SGCD: variants seen among roughly 807,000 people sequenced by gnomAD.
SGCD encodes the protein sarcoglycan delta.
SGCD carries 18 observed loss-of-function variants against 36.6 expected under a neutral mutation model. The observed-to-expected ratio is 0.49, with a 90% CI of 0.34 to 0.73. The LOEUF is 0.73. Ranked by LOEUF, SGCD falls within the 30% of genes least tolerant of loss-of-function variation. The pLI is 0.01. For missense variants in SGCD, 387 were observed against 346.7 expected (o/e 1.12, Z -0.92); for synonymous variants, 133 against 130.6 (o/e 1.02, Z -0.12).
upstream of SGCD, among the ~76,000 whole-genome samples, chr5:156,325,336 T>C (rs2127698476): frequency 6.7e-6 from 1 of 149,236 alleles, no homozygotes; most frequent in African/African-American, 2.4e-5. Flanking sequence ...GCTTTTAGGT[T>C]AGAGAAAAGG....
At chr5:156,438,132 G>A (rs552300839) in intron 3 of SGCD, among the ~76,000 whole-genome samples, 3 of 152,320 alleles carry the variant, frequency 2.0e-5, no homozygotes, top group African/African-American at 4.8e-5. Context: ...TTTGTCAGAT[G>A]TGAGGACAGT....
At chr5:156,154,786 A>G (rs185653065) in intron 3 of SGCD, among the ~76,000 whole-genome samples, 43 of 151,700 alleles carry the variant, frequency 2.8e-4, no homozygotes, top group Non-Finnish European at 2.9e-4. Flanking sequence ...TCAATAGATA[A>G]CTGATAGAAG....
intron 3 of SGCD, among the ~76,000 whole-genome samples, chr5:156,193,576 G>C (rs1019220154): frequency 6.6e-6 from 1 of 152,102 alleles, no homozygotes; most frequent in African/African-American, 2.4e-5. Context: ...ACAGCTAGGT[G>C]AGAGAGCATG....
intron 3 of SGCD, among the ~76,000 whole-genome samples, chr5:156,407,922 G>A (rs1772511886): frequency 6.6e-6 from 1 of 152,194 alleles, no homozygotes; most frequent in African/African-American, 2.4e-5. Context: ...ACCTTATGGT[G>A]TTGTCCTTAA....
intron 3 of SGCD, among the ~76,000 whole-genome samples, chr5:156,460,022 A>G (rs903802786): frequency 6.6e-6 from 1 of 152,202 alleles, no homozygotes; most frequent in Non-Finnish European, 1.5e-5. Flanking sequence ...TAATGGATTG[A>G]TACCATCAAT....
chr5:156,081,956 T>C (rs1726174803), intron 1 of SGCD, among the ~76,000 whole-genome samples: 1 of 152,094 alleles, frequency 6.6e-6, no homozygotes, highest in Non-Finnish European at 1.5e-5. Flanking sequence ...ATTTTAGAGA[T>C]ATAGTAAATG....
At chr5:156,406,392 G>C (rs1772410021) in intron 3 of SGCD, among the ~76,000 whole-genome samples, 1 of 152,006 alleles carries the variant, frequency 6.6e-6, no homozygotes, top group Non-Finnish European at 1.5e-5. Flanking sequence ...TCTGTGATAA[G>C]TTTTACTCAC....
intron 3 of SGCD, among the ~76,000 whole-genome samples, chr5:156,368,125 C>T (rs1435516684): frequency 1.3e-5 from 2 of 151,568 alleles, no homozygotes; most frequent in African/African-American, 4.9e-5. Context: ...AAATCTCACT[C>T]TTGTCACCCA....
intron 3 of SGCD, among the ~76,000 whole-genome samples, chr5:156,208,672 T>TA (rs1297752489): frequency 2.0e-5 from 3 of 152,258 alleles, no homozygotes; most frequent in African/African-American, 7.2e-5. Context: ...CTGAATATGA[T>TA]ACTTATTGTG....
intron 3 of SGCD, among the ~76,000 whole-genome samples, chr5:156,178,814 C>CTT (rs1763533325): frequency 6.6e-6 from 1 of 152,184 alleles, no homozygotes; most frequent in Non-Finnish European, 1.5e-5. Flanking sequence ...GATCCACCTG[C>CTT]CTCAGCCTCA....
intron 1 of SGCD, among the ~76,000 whole-genome samples, chr5:156,110,867 C>G (rs765681383): frequency 6.6e-6 from 1 of 152,040 alleles, no homozygotes; most frequent in Non-Finnish European, 1.5e-5. Flanking sequence ...TGATTTGACC[C>G]TGCTTGAAAA....
intron 7 of SGCD, among the ~76,000 whole-genome samples, chr5:156,676,623 A>G (rs543530731): frequency 6.6e-6 from 1 of 152,156 alleles, no homozygotes; most frequent in African/African-American, 2.4e-5. Flanking sequence ...CATCCCACCC[A>G]AAAACCTTGA....
At chr5:156,075,571 T>C (rs1210633649) in intron 1 of SGCD, among the ~76,000 whole-genome samples, 1 of 152,168 alleles carries the variant, frequency 6.6e-6, no homozygotes, top group African/African-American at 2.4e-5. Flanking sequence ...GGTTGTTGAA[T>C]AGAGAGGTGA....
chr5:155,938,021 A>C lies in SGCD; in HGVS notation c.-282+67597A>C, dbSNP rs730028. Among the ~76,000 whole-genome samples the C allele has an allele frequency of 3.7e-3, 569 of 152,290 alleles. 4 individuals carry two copies. The highest frequency in any genetic ancestry group is 0.013 in the African/African-American group (550 of 41,562). Reference sequence around the variant, plus strand: ...CTCCAGGTCCTGTGCTCTTTCTTTGAACCACAGTGATGGGAACTGTCTCTG... The same window carrying C: ...CTCCAGGTCCTGTGCTCTTTCTTTGCACCACAGTGATGGGAACTGTCTCTG... On this transcript the variant is annotated intron_variant, in intron 1 of 9. Coordinates refer to the SGCD transcript ENST00000517913.
intron 4 of SGCD, among the ~76,000 whole-genome samples, chr5:156,540,744 G>C (rs1017225905): frequency 1.3e-5 from 2 of 152,310 alleles, no homozygotes; most frequent in Non-Finnish European, 2.9e-5. Context: ...TAATGCAGAA[G>C]TGTGCTTTTT....
chr5:156,245,382 A>T (rs1765415996), intron 3 of SGCD, among the ~76,000 whole-genome samples: 1 of 152,198 alleles, frequency 6.6e-6, no homozygotes, highest in African/African-American at 2.4e-5. Context: ...TGAACGATAG[A>T]ATTTGAATAC....
chr5:156,632,485 A>G (rs1456260842), intron 6 of SGCD, among the ~76,000 whole-genome samples: 1 of 152,180 alleles, frequency 6.6e-6, no homozygotes. Context: ...TTTCTTGCTA[A>G]GTCTGGAAGG....
chr5:156,402,891 C>A (rs1404302890), intron 3 of SGCD, among the ~76,000 whole-genome samples: 2 of 152,174 alleles, frequency 1.3e-5, no homozygotes, highest in Non-Finnish European at 2.9e-5. Context: ...CCTTGACTAC[C>A]TATCCTGCCT....
chr5:156,400,587 A>G (rs559581704), intron 3 of SGCD, among the ~76,000 whole-genome samples: 1 of 152,362 alleles, frequency 6.6e-6, no homozygotes, highest in East Asian at 1.9e-4. Context: ...TACTAGTTGT[A>G]AAATGAATTT....
Sources: gnomAD v4.1 joint callset for allele counts (sites outside exome capture counted in the v4.1 genomes callset) on GRCh38, gnomAD v4.1.1 for gene constraint, MANE v1.5 for transcripts, NCBI Gene and HGNC (gene_info 2026-07-23, HGNC 2026-07-21) for gene names.